Variants in LRRC4C observed in about 807,000 individuals in gnomAD.
LRRC4C encodes leucine rich repeat containing 4C.
A neutral mutation model predicts 33.6 loss-of-function variants in LRRC4C; 5 were observed. That is an observed-to-expected ratio of 0.15 (90% confidence interval 0.08 to 0.31). The LOEUF is 0.31. LRRC4C is among the 10% of genes least tolerant of loss of function. LRRC4C has a pLI of 1.00. For missense variants in LRRC4C, 560 were observed against 796.7 expected, an observed-to-expected ratio of 0.70 and a Z score of 3.58; for synonymous variants, 329 against 302.0, an observed-to-expected ratio of 1.09 and a Z score of -0.93.
chr11:40,942,585 G>C (rs1318357634), intron 1 of LRRC4C, among the ~76,000 whole-genome samples: 1 of 152,120 alleles, frequency 6.6e-6, no homozygotes, highest in African/African-American at 2.4e-5. Context: ...AAGTGTGTTG[G>C]TGTGCAGCAC....
intron 3 of LRRC4C, among the ~76,000 whole-genome samples, chr11:40,618,550 C>T (rs1281270321): frequency 1.3e-5 from 2 of 151,748 alleles, no homozygotes; most frequent in African/African-American, 2.4e-5. Flanking sequence ...TCGTGCAATA[C>T]TTTGATGGTG....
intron 2 of LRRC4C, among the ~76,000 whole-genome samples, chr11:40,925,875 C>T (rs917170812): frequency 6.6e-6 from 1 of 152,084 alleles, no homozygotes; most frequent in Non-Finnish European, 1.5e-5. Flanking sequence ...ACGAAATATA[C>T]AAGTCTATTG....
At chr11:40,501,706 T>C (rs749597871) in intron 3 of LRRC4C, among the ~76,000 whole-genome samples, 28 of 152,134 alleles carry the variant, frequency 1.8e-4, no homozygotes, top group Middle Eastern at 3.4e-3. Context: ...GACCATTTTT[T>C]CCTCCTAGGC....
chr11:40,273,334 T>A (rs185942610), intron 4 of LRRC4C, among the ~76,000 whole-genome samples: 15 of 152,246 alleles, frequency 9.9e-5, no homozygotes, highest in Admixed American at 9.2e-4. Context: ...CTAGTAATGC[T>A]GCAGTGGGAA....
chr11:41,416,614 G>A (rs190381906), intron 1 of LRRC4C, among the ~76,000 whole-genome samples: 1 of 152,108 alleles, frequency 6.6e-6, no homozygotes, highest in East Asian at 1.9e-4. Flanking sequence ...ATGGCTGGGG[G>A]ACAGTGCGTG....
intron 3 of LRRC4C, among the ~76,000 whole-genome samples, chr11:40,345,057 T>C (rs2137039516): frequency 6.6e-6 from 1 of 152,224 alleles, no homozygotes; most frequent in South Asian, 2.1e-4. Flanking sequence ...GAATCAATAT[T>C]GTCAAACTGG....
chr11:41,036,141 G>A (rs998274742), intron 1 of LRRC4C, among the ~76,000 whole-genome samples: 1 of 152,032 alleles, frequency 6.6e-6, no homozygotes, highest in Non-Finnish European at 1.5e-5. Context: ...GTTGGAATGT[G>A]AATAATTATT....
rs116444847 is a variant in LRRC4C at position 40,762,025 on chromosome 11, G to A, written c.-406-113747C>T. 7.1e-3 allele frequency among the ~76,000 whole-genome samples: 1,084 copies of A among 152,242 alleles called. 20 individuals are homozygous for A. Among genetic ancestry groups the A allele is most frequent in the African/African-American group, 0.025 (1,050 of 41,546 alleles). On this transcript the variant is annotated intron_variant, in intron 2 of 6. Transcript: ENST00000528697. ...AATACACAGTGATTAAATTAATGGTGGTGGATCACTGTCATTGCCAGACTT... is the reference window on the plus strand; with the variant it reads ...AATACACAGTGATTAAATTAATGGTAGTGGATCACTGTCATTGCCAGACTT...
chr11:40,957,218 G>T (rs551928355), intron 1 of LRRC4C, among the ~76,000 whole-genome samples: 81 of 151,852 alleles, frequency 5.3e-4, no homozygotes, highest in African/African-American at 1.8e-3. Flanking sequence ...AAAAGGTTTT[G>T]CAAGAAGTAG....
chr11:41,178,228 A>G (rs1204623692), intron 1 of LRRC4C, among the ~76,000 whole-genome samples: 1 of 152,206 alleles, frequency 6.6e-6, no homozygotes, highest in Non-Finnish European at 1.5e-5. Flanking sequence ...ATATTCTTTG[A>G]TAATGCAGGA....
chr11:40,772,941 A>G (rs1949820377), intron 2 of LRRC4C, among the ~76,000 whole-genome samples: 1 of 152,228 alleles, frequency 6.6e-6, no homozygotes. Context: ...CAAGATTTGG[A>G]AGCAACCTAA....
chr11:40,377,368 T>C (rs1948700974), intron 3 of LRRC4C, among the ~76,000 whole-genome samples: 1 of 152,158 alleles, frequency 6.6e-6, no homozygotes, highest in African/African-American at 2.4e-5. Context: ...AAATGATTAT[T>C]AGCACTTTCT....
At chr11:40,341,805 T>C (rs1450337879) in intron 3 of LRRC4C, among the ~76,000 whole-genome samples, 3 of 152,168 alleles carry the variant, frequency 2.0e-5, no homozygotes, top group Non-Finnish European at 4.4e-5. Flanking sequence ...TGCCTTTGAC[T>C]GAGTGAGTGA....
At chr11:41,058,927 C>T (rs1858842971) in intron 1 of LRRC4C, among the ~76,000 whole-genome samples, 1 of 152,026 alleles carries the variant, frequency 6.6e-6, no homozygotes, top group African/African-American at 2.4e-5. Flanking sequence ...AGCTGAAGGC[C>T]ATTATTCTAA....
intron 1 of LRRC4C, among the ~76,000 whole-genome samples, chr11:41,348,608 A>T (rs1395636895): frequency 6.6e-6 from 1 of 151,120 alleles, no homozygotes. Flanking sequence ...AGACCAGACT[A>T]TGGAGAAGAC....
intron 1 of LRRC4C, among the ~76,000 whole-genome samples, chr11:41,007,866 G>T (rs1854879589): frequency 1.3e-5 from 2 of 152,048 alleles, no homozygotes; most frequent in Admixed American, 6.6e-5. Flanking sequence ...CTTAGTGTCT[G>T]TCCGCCTACT....
chr11:40,346,350 C>T (rs1308792759), intron 3 of LRRC4C, among the ~76,000 whole-genome samples: 2 of 152,072 alleles, frequency 1.3e-5, no homozygotes, highest in Non-Finnish European at 1.5e-5. Flanking sequence ...ACATATACAC[C>T]ATAGAATACT....
chr11:40,780,052 A>G (rs1950156714), intron 2 of LRRC4C, among the ~76,000 whole-genome samples: 1 of 152,168 alleles, frequency 6.6e-6, no homozygotes, highest in Non-Finnish European at 1.5e-5. Flanking sequence ...TTAAAATAAG[A>G]CTTAAATAGT....
At chr11:41,220,173 C>CT (rs1947239084) in intron 1 of LRRC4C, among the ~76,000 whole-genome samples, 1 of 152,044 alleles carries the variant, frequency 6.6e-6, no homozygotes, top group Admixed American at 6.6e-5. Flanking sequence ...AATAATGTTT[C>CT]TTGAGAGCTT....
Sources: allele counts gnomAD v4.1 joint callset (sites outside exome capture counted in the v4.1 genomes callset), GRCh38; gene constraint gnomAD v4.1.1; transcripts MANE v1.5; gene names NCBI Gene and HGNC (gene_info 2026-07-23, HGNC 2026-07-21).